Variants in RELN observed in about 807,000 individuals in gnomAD.
RELN encodes the protein reelin.
A neutral mutation model predicts 427.6 loss-of-function variants in RELN; 108 were observed. The ratio of observed to expected loss-of-function variants is 0.25; its 90% CI spans 0.22 to 0.30. RELN has a LOEUF of 0.30. Ranked by LOEUF, RELN falls within the 10% of genes least tolerant of loss-of-function variation. RELN has a pLI of 1.00. For missense variants in RELN, 3,715 were observed against 4,302.8 expected (o/e 0.86, Z 3.82); for synonymous variants, 1,524 against 1,513.4 (o/e 1.01, Z -0.16).
intron 3 of RELN, among the ~76,000 whole-genome samples, chr7:103,799,208 T>G (rs2116303893): frequency 6.6e-6 from 1 of 152,262 alleles, no homozygotes; most frequent in African/African-American, 2.4e-5. Flanking sequence ...ACTTTGTACT[T>G]CCAGGTCTCT....
rs1834016273 is a variant in RELN, at chr7:103,698,075, G to A, written c.921C>T (p.Ser307=). 6.2e-7 allele frequency: 1 copy of A among 1,613,620 alleles called. No individual in the cohort carries two copies. Among genetic ancestry groups the A allele is most frequent in the African/African-American group, 1.3e-5 (1 of 74,882 alleles). ...LEKIRAPSNV[S]TIIHILYLPE... is the part of the protein sequence containing the mutation. ...GAAGGTAGAGGATATGGATGATTGTGCTGACATTGGAAGGGGCTCTGGAAC... is the reference window on the plus strand; with the variant it reads ...GAAGGTAGAGGATATGGATGATTGTACTGACATTGGAAGGGGCTCTGGAAC... The change falls in exon 10 of 65, where the codon AGC becomes AGT. Residue 307 remains serine (S), a synonymous_variant. Coordinates refer to ENST00000428762, the MANE Select transcript of RELN (RefSeq NM_005045.4).
chr7:103,812,301 G>A (rs1245694808), intron 3 of RELN, among the ~76,000 whole-genome samples: 1 of 152,126 alleles, frequency 6.6e-6, no homozygotes, highest in Non-Finnish European at 1.5e-5. Context: ...TTCACTATCT[G>A]GCCCCTTCTT....
chr7:103,942,198 A>G (rs4530974), intron 1 of RELN, among the ~76,000 whole-genome samples: 48,461 of 151,996 alleles, frequency 0.32, 8,647 homozygotes, highest in Non-Finnish European at 0.4. Context: ...CAAGGATACA[A>G]TAATTAATAG....
chr7:103,731,448 C>T (rs113508344), intron 6 of RELN, among the ~76,000 whole-genome samples: 9 of 152,096 alleles, frequency 5.9e-5, no homozygotes, highest in African/African-American at 2.2e-4. Context: ...AGAAGCTCTA[C>T]AAACAATGCC....
At chr7:103,961,805 G>A (rs562308511) in intron 1 of RELN, among the ~76,000 whole-genome samples, 1 of 152,278 alleles carries the variant, frequency 6.6e-6, no homozygotes, top group Non-Finnish European at 1.5e-5. Flanking sequence ...AGAATTAAAT[G>A]ATTATAATGT....
At chr7:103,907,415 GAA>G (rs941182837) in intron 2 of RELN, among the ~76,000 whole-genome samples, 1 of 44,124 alleles carries the variant, frequency 2.3e-5, no homozygotes, top group South Asian at 8.3e-4. Context: ...CAAGGCTCTG[GAA>G]AAAAAAAAAA....
chr7:103,770,191 T>A (rs1791529882), intron 4 of RELN, among the ~76,000 whole-genome samples: 1 of 152,100 alleles, frequency 6.6e-6, no homozygotes. Flanking sequence ...TTCAAGCAAT[T>A]CTCCTGCCTC....
chr7:103,689,604 G>C (rs918223189), intron 10 of RELN, among the ~76,000 whole-genome samples: 1 of 152,066 alleles, frequency 6.6e-6, no homozygotes, highest in Non-Finnish European at 1.5e-5. Flanking sequence ...CAAACAAAAT[G>C]AAGCAGCTGC....
At chr7:103,482,774 C>T in intron 63 of RELN, 99 bp downstream of exon 63, 1 of 1,588,834 alleles carries the variant, frequency 6.3e-7, no homozygotes, top group Non-Finnish European at 8.6e-7. Context: ...GGGGGCTTCT[C>T]ATCAAAAACG....
At chr7:103,823,000 T>C (rs1793046997) in intron 3 of RELN, among the ~76,000 whole-genome samples, 1 of 152,006 alleles carries the variant, frequency 6.6e-6, no homozygotes, top group East Asian at 1.9e-4. Flanking sequence ...ATACTAGAAA[T>C]ACGTACTCAG....
At chr7:103,938,951 T>G (rs1303190183) in intron 1 of RELN, among the ~76,000 whole-genome samples, 1 of 152,136 alleles carries the variant, frequency 6.6e-6, no homozygotes, top group Non-Finnish European at 1.5e-5. Flanking sequence ...AGCTTTTTTT[T>G]TTTTCTCTGA....
At chr7:103,545,059 C>A (rs2117139483) in intron 42 of RELN, 65 bp downstream of exon 42, 1 of 1,219,294 alleles carries the variant, frequency 8.2e-7, no homozygotes, top group Middle Eastern at 2.7e-4. Flanking sequence ...AGTTATCTAC[C>A]AAAAATTGTG....
At chr7:103,596,409 T>C in intron 25 of RELN, 47 bp downstream of exon 25, 1 of 1,495,992 alleles carries the variant, frequency 6.7e-7, no homozygotes. Context: ...GATTTAACCT[T>C]TACCATTCCT....
chr7:103,734,615 T>C (rs1189403529), intron 6 of RELN, among the ~76,000 whole-genome samples: 2 of 152,160 alleles, frequency 1.3e-5, no homozygotes, highest in African/African-American at 4.8e-5. Flanking sequence ...TATCTATTAC[T>C]TGAGTTTACA....
chr7:103,587,198 C>T (rs777410373), intron 28 of RELN, among the ~76,000 whole-genome samples: 4 of 152,216 alleles, frequency 2.6e-5, no homozygotes, highest in Non-Finnish European at 5.9e-5. Context: ...ACCAATGGAA[C>T]AGAATAGATA....
In RELN at chr7:103,931,729, C is replaced by T. The variant is rs138207838; in HGVS notation, c.227-14544G>A. Among the ~76,000 whole-genome samples, 8 of 152,298 alleles carry T rather than the reference C, an allele frequency of 5.3e-5. No homozygotes were observed. The East Asian group carries it at 1.4e-3, about 26-fold the overall frequency. ...ATCTGGCTGGTTTAATGTCAATTCG[C>T]ACAGGATGTCATACTTCTGCCTCTT... On this transcript the variant is annotated intron_variant, in intron 1 of 64. Coordinates refer to ENST00000428762, the MANE Select transcript of RELN (RefSeq NM_005045.4).
rs558487667 is a variant in RELN, at chr7:103,507,551, A to G, written c.8274+3300T>C. Among the ~76,000 whole-genome samples, 79 of 152,358 alleles carry G rather than the reference A, an allele frequency of 5.2e-4. 1 individual carries two copies. The South Asian group carries it at 0.016, about 30-fold the overall frequency. On this transcript the variant is annotated intron_variant, in intron 51 of 64. Coordinates refer to ENST00000428762, the MANE Select transcript of RELN (RefSeq NM_005045.4). ...TAAAGCAGTGTGTAGAGGGAAATTTATAGCACTAAATGCCCACAAGAGAAA... is the reference window on the plus strand; with the variant it reads ...TAAAGCAGTGTGTAGAGGGAAATTTGTAGCACTAAATGCCCACAAGAGAAA...
intron 41 of RELN, among the ~76,000 whole-genome samples, chr7:103,550,360 A>G (rs570460294): frequency 1.2e-4 from 18 of 152,282 alleles, no homozygotes; most frequent in African/African-American, 4.3e-4. Flanking sequence ...TTCTTTTTTG[A>G]CATACTCTGA....
chr7:103,849,857 A>C (rs1793777295), intron 2 of RELN, among the ~76,000 whole-genome samples: 1 of 152,196 alleles, frequency 6.6e-6, no homozygotes, highest in Non-Finnish European at 1.5e-5. Context: ...TTACGGAAAA[A>C]GTTTTTCAAC....
Sources: gnomAD v4.1 joint callset for allele counts (sites outside exome capture counted in the v4.1 genomes callset) on GRCh38, gnomAD v4.1.1 for gene constraint, MANE v1.5 for transcripts, NCBI Gene and HGNC (gene_info 2026-07-23, HGNC 2026-07-21) for gene names.